RYR1: variants seen among roughly 807,000 people sequenced by gnomAD.
RYR1 encodes ryanodine receptor 1, also known as central core disease of muscle.
In RYR1, 342 loss-of-function variants were observed where a neutral mutation model predicts 583.5. The ratio of observed to expected loss-of-function variants is 0.59; its 90% CI spans 0.54 to 0.64. The LOEUF (loss-of-function observed/expected upper bound fraction) is 0.64. RYR1 is among the 30% of genes least tolerant of loss of function. The pLI, the probability that RYR1 is intolerant of heterozygous loss-of-function variation, is 0.00. For missense variants in RYR1, 6,032 were observed against 6,917.2 expected (o/e 0.87, Z 4.54); for synonymous variants, 2,791 against 2,822.5 (o/e 0.99, Z 0.35).
chr19:38,478,190 C>T (rs1968835550), intron 30 of RYR1, among the ~76,000 whole-genome samples: 1 of 152,048 alleles, frequency 6.6e-6, no homozygotes, highest in African/African-American at 2.4e-5. Context: ...CTCCTGCTTC[C>T]CTTGCTTTCC....
intron 87 of RYR1, among the ~76,000 whole-genome samples, chr19:38,545,568 T>G (rs1972387078): frequency 6.6e-6 from 1 of 152,122 alleles, no homozygotes; most frequent in African/African-American, 2.4e-5. Flanking sequence ...ATCCCAGCAC[T>G]CTGGGAGCCC....
chr19:38,505,623 G>A (rs1399304857), intron 53 of RYR1, among the ~76,000 whole-genome samples, 183 bp from the exon 54 acceptor site: 2 of 152,186 alleles, frequency 1.3e-5, no homozygotes. Context: ...GGAGACTCAA[G>A]TGTCTAATGG....
chr19:38,471,028 C>G (rs1462014971), intron 27 of RYR1, among the ~76,000 whole-genome samples: 1 of 152,242 alleles, frequency 6.6e-6, no homozygotes, highest in Admixed American at 6.5e-5. Context: ...GTGGACGAAT[C>G]TCAGACATAA....
At position 38,561,231 on chromosome 19, in the gene RYR1, C is replaced by T. The variant is rs1427372985; in HGVS notation, c.12401C>T (p.Pro4134Leu). The change falls in exon 90 of 106, where the codon CCA (proline) becomes CTA (leucine). Residue 4134 changes from proline to leucine, a missense_variant. Physicochemically the swap from Pro to Leu is moderately conservative, Grantham distance 98. Around this residue, in one of 11 missense-constraint regions of RYR1, gnomAD observed 753 missense variants for 759.6 expected, o/e 0.99. Coordinates refer to ENST00000359596, the MANE Select transcript of RYR1 (RefSeq NM_000540.3). This position sits in a 1 kb window ranked among gnomAD's most constrained non-coding sequence, Gnocchi z 4.8. ...CEEFANRFQE[P>L]ARDIGFNVAV... is the part of the protein sequence containing the mutation. Reference sequence around the variant, plus strand: ...GAGTTCGCCAACCGCTTCCAGGAGCCAGCACGCGACATCGGCTTCAACGTG... The same window carrying T: ...GAGTTCGCCAACCGCTTCCAGGAGCTAGCACGCGACATCGGCTTCAACGTG... The T allele has an allele frequency of 8.7e-6, 14 of 1,614,014 alleles. No individual in the cohort carries two copies. Among genetic ancestry groups the T allele is most frequent in the Non-Finnish European group, 8.5e-7 (1 of 1,180,046 alleles).
intron 76 of RYR1, among the ~76,000 whole-genome samples, chr19:38,531,914 A>G (rs1971753860): frequency 6.6e-6 from 1 of 151,994 alleles, no homozygotes; most frequent in African/African-American, 2.4e-5. Flanking sequence ...CAAGAACAAA[A>G]TAAACAAACA....
chr19:38,477,951 C>A, intron 30 of RYR1, 81 bp downstream of exon 30: 2 of 1,419,990 alleles, frequency 1.4e-6, no homozygotes, highest in Admixed American at 1.9e-5. Flanking sequence ...AGCTCTGTGG[C>A]TGCCTGGTTG....
intron 49 of RYR1, among the ~76,000 whole-genome samples, chr19:38,503,892 G>A (rs1970317118): frequency 2.0e-5 from 3 of 152,016 alleles, no homozygotes; most frequent in African/African-American, 7.3e-5. Context: ...AGCACAGATT[G>A]CTGCATCCAT....
rs1197275310 is a variant in RYR1 at position 38,510,689 on chromosome 19, C to T, written c.9030C>T (p.Phe3010=). ...TGCTCCCTTTGATCAACCAGTACTT[C>T]ACCAACCACTGCCTCTATTTCTTGT... ...KILLPLINQY[F]TNHCLYFLST... is the part of the protein sequence containing the mutation. Residue 3010 remains phenylalanine (F), a synonymous_variant, in exon 60 of 106, where the codon TTC becomes TTT. Coordinates refer to ENST00000359596, the MANE Select transcript of RYR1 (RefSeq NM_000540.3). The T allele has an allele frequency of 1.2e-6, 2 of 1,614,142 alleles. No individual in the cohort carries two copies. The highest frequency in any genetic ancestry group is 2.2e-5 in the South Asian group (2 of 91,074).
intron 96 of RYR1, among the ~76,000 whole-genome samples, chr19:38,575,119 A>C (rs1207271118): frequency 6.6e-6 from 1 of 152,126 alleles, no homozygotes; most frequent in Non-Finnish European, 1.5e-5. Flanking sequence ...CTGGTGAATA[A>C]AGGGCCAGAA....
rs767325999 is a variant in RYR1, at chr19:38,505,969, G to A, written c.8541+23G>A. 6.2e-6 allele frequency: 10 copies of A among 1,610,694 alleles called. No homozygotes were observed. The Admixed American group carries it at 1.0e-4, about 16-fold the overall frequency. ...CAGGTGAAGGCGGGGCCTGGGTGGA[G>A]GGCAGGGGCACGATGGGGGGAGGGT... On this transcript the variant is annotated intron_variant, in intron 54 of 105. Transcript: ENST00000359596.
chr19:38,442,804 C>G (rs554459265), intron 3 of RYR1, among the ~76,000 whole-genome samples: 3 of 152,256 alleles, frequency 2.0e-5, no homozygotes, highest in African/African-American at 7.2e-5. Flanking sequence ...GGCTTCTGAG[C>G]CCCTGTCCCC....
At position 38,567,848 on chromosome 19, in the gene RYR1, C is replaced by A; in HGVS notation, c.13590C>A (p.Pro4530=). Residue 4530 remains proline (P), a synonymous_variant, in exon 93 of 106, where the codon CCC becomes CCA. Transcript: ENST00000359596. ...EPPKKQAPPS[P]PPKKEEAGGE... ...CCAAGAAGCAAGCACCTCCCTCACC[C>A]CCTCCAAAGAAGGAGGAAGCTGGAG... 4 of 1,614,040 alleles carry A rather than the reference C, an allele frequency of 2.5e-6. No homozygotes were observed. The highest frequency in any genetic ancestry group is 3.4e-6 in the Non-Finnish European group (4 of 1,179,972).
chr19:38,452,742 C>G, intron 12 of RYR1, 77 bp from the exon 13 acceptor site: 1 of 1,356,416 alleles, frequency 7.4e-7, no homozygotes, highest in Non-Finnish European at 1.0e-6. Context: ...GGGAGTCTTG[C>G]GGGAGTGAGG....
chr19:38,569,158 C>T (rs974982490), intron 93 of RYR1, among the ~76,000 whole-genome samples: 1 of 152,060 alleles, frequency 6.6e-6, no homozygotes, highest in African/African-American at 2.4e-5. Context: ...CTACAGGCGC[C>T]CGCCGCCACG....
rs776252106 is a variant in RYR1 at position 38,458,169 on chromosome 19, C to A, written c.2044C>A (p.Arg682=). ...TCTGACAGCTCAGGCCACCCACTTG[C>A]GGGTGGGCTGGGCCCTCACCGAGGG... is the stretch of plus-strand genomic sequence containing the variant. The part of the protein sequence containing the change: ...PFLTAQATHL[R]VGWALTEGYT... Residue 682 remains arginine (R), a synonymous_variant, in exon 18 of 106, where the codon CGG becomes AGG. Coordinates refer to ENST00000359596, the MANE Select transcript of RYR1 (RefSeq NM_000540.3). 1.9e-6 allele frequency: 3 copies of A among 1,612,676 alleles called. No homozygotes were observed. The highest frequency in any genetic ancestry group is 2.7e-5 in the African/African-American group (2 of 74,490).
rs1195401697 is a variant in RYR1, at chr19:38,536,757, T to G, written c.11598T>G (p.Asn3866Lys). 4 of 1,613,794 alleles carry G rather than the reference T, an allele frequency of 2.5e-6. No homozygotes were observed. Among genetic ancestry groups the G allele is most frequent in the Admixed American group, 3.3e-5 (2 of 59,958 alleles). ...GMVNEDGTVINRQNGEKVMAD... is the reference protein window; with the variant it reads ...GMVNEDGTVIKRQNGEKVMAD... ...TCCTGTTGGCTGCCCCAGTCATCAA[T>G]CGCCAGAACGGTAATTCCCCCAGCC... Residue 3866 changes from asparagine (N) to lysine (K), a missense_variant, in exon 83 of 106, where the codon AAT becomes AAG. Physicochemically the swap from Asn to Lys is moderately conservative, Grantham distance 94. This residue lies in a region of RYR1 where 1,493 missense variants were observed against 1,715.5 expected (regional missense o/e 0.87). Coordinates refer to ENST00000359596, the MANE Select transcript of RYR1 (RefSeq NM_000540.3).
chr19:38,442,540 T>G lies in RYR1; in HGVS notation c.270+87T>G, dbSNP rs778868110. On this transcript the variant is annotated intron_variant, in intron 3 of 105. Coordinates refer to ENST00000359596, the MANE Select transcript of RYR1 (RefSeq NM_000540.3). ...TTTAGGGCACGGTGGCAAGGATGGG[T>G]GAGAGGACCCGGGGGTCGCTTACCA... The G allele has an allele frequency of 1.1e-4, 98 of 918,706 alleles. No homozygotes were observed. The Middle Eastern group carries it at 1.2e-3, about 11-fold the overall frequency. 56.9% of individuals were successfully genotyped at this position (918,706 alleles called of 1,614,324 possible). A position where few individuals can be genotyped will look rare whatever the true frequency, so the allele number is the denominator to read the frequency against.
chr19:38,518,420 AAAAG>A (rs1568529641), intron 66 of RYR1, among the ~76,000 whole-genome samples: 1 of 147,576 alleles, frequency 6.8e-6, no homozygotes, highest in Non-Finnish European at 1.5e-5. Flanking sequence ...AAAAAAAAAA[AAAAG>A]AAATATTTGT....
intron 72 of RYR1, 78 bp from the exon 73 acceptor site, chr19:38,527,569 C>G: frequency 5.0e-6 from 8 of 1,590,606 alleles, no homozygotes; most frequent in Non-Finnish European, 6.9e-6. Context: ...TGAGTCCTCC[C>G]AAAAACGGAA....
Sources: allele counts gnomAD v4.1 joint callset (sites outside exome capture counted in the v4.1 genomes callset), GRCh38; gene constraint gnomAD v4.1.1; regional missense constraint gnomAD v4.1.1; non-coding constraint Gnocchi (gnomAD v3.1); transcripts MANE v1.5; gene names NCBI Gene and HGNC (gene_info 2026-07-23, HGNC 2026-07-21).